RYR2: variants seen among roughly 807,000 people sequenced by gnomAD.
The protein encoded by RYR2 is ryanodine receptor 2.
RYR2 carries 227 observed loss-of-function variants against 601.1 expected under a neutral mutation model. The observed-to-expected ratio is 0.38, with a 90% confidence interval of 0.34 to 0.42. RYR2 has a LOEUF of 0.42. Among genes scored for constraint, RYR2 ranks in the 10% least tolerant of loss-of-function variants. The pLI, the probability that RYR2 is intolerant of heterozygous loss-of-function variation, is 1.00. For synonymous variants in RYR2, 2,223 were observed against 2,175.1 expected (o/e 1.02, Z -0.61); for missense variants, 4,646 against 6,156.5 (o/e 0.75, Z 8.21).
chr1:237,396,850 C>T (rs971657506), intron 10 of RYR2, among the ~76,000 whole-genome samples: 1 of 151,978 alleles, frequency 6.6e-6, no homozygotes, highest in Non-Finnish European at 1.5e-5. Context: ...AGATCACAGA[C>T]TTAAATATGA....
chr1:237,474,436 A>G (rs534911304), intron 17 of RYR2, among the ~76,000 whole-genome samples: 2 of 151,922 alleles, frequency 1.3e-5, no homozygotes, highest in Non-Finnish European at 2.9e-5. Context: ...TATGCCTGGG[A>G]CCACAGTGAT....
rs1220542797 is a variant in RYR2, at chr1:237,149,293, TACAAAAAACAA to T, written c.48+106732_48+106742del. On this transcript the variant is annotated intron_variant, in intron 1 of 104. Coordinates refer to ENST00000366574, the MANE Select transcript of RYR2 (RefSeq NM_001035.3). ...GAGCAACATGCTGAGACCCCGTCTC[TACAAAAAACAA>T]ACAAAAACAAAAACAAAAACAAAAA... Among the ~76,000 whole-genome samples, 6 of 139,512 alleles carry T rather than the reference TACAAAAAACAA, an allele frequency of 4.3e-5. No homozygotes were observed. The Admixed American group carries it at 4.6e-4, about 11-fold the overall frequency. 91.5% of individuals were successfully genotyped at this position (139,512 alleles called of 152,430 possible).
chr1:237,527,558 C>G (rs1017664038), intron 24 of RYR2, among the ~76,000 whole-genome samples: 2 of 152,216 alleles, frequency 1.3e-5, no homozygotes, highest in Non-Finnish European at 2.9e-5. Context: ...CCCTCCCACA[C>G]AGACCCACGA....
intron 72 of RYR2, 27 bp from the exon 73 acceptor site, chr1:237,718,435 T>A: frequency 7.7e-7 from 1 of 1,299,578 alleles, no homozygotes; most frequent in Non-Finnish European, 1.1e-6. Context: ...AGAAGACTCC[T>A]TTTAGGTAAC....
chr1:237,759,513 G>A (rs1399104267), intron 82 of RYR2, among the ~76,000 whole-genome samples: 1 of 152,180 alleles, frequency 6.6e-6, no homozygotes, highest in Non-Finnish European at 1.5e-5. Flanking sequence ...GACCAGGAGA[G>A]AATTAAGAGT....
Position 237,777,163 on chromosome 1 carries a change from C to T in RYR2, c.11776-1503C>T, listed in dbSNP as rs12093182. On this transcript the variant is annotated intron_variant, in intron 87 of 104. Transcript: ENST00000366574. Reference sequence around the variant, plus strand: ...GCAGAAGTAACGAAATGGAGAGGCTCAGCACACGGAGAACCCCCTCCAAAG... The same window carrying T: ...GCAGAAGTAACGAAATGGAGAGGCTTAGCACACGGAGAACCCCCTCCAAAG... 8.1e-3 allele frequency among the ~76,000 whole-genome samples: 1,238 copies of T among 152,246 alleles called. 18 individuals carry two copies. Among genetic ancestry groups the T allele is most frequent in the African/African-American group, 0.028 (1,169 of 41,554 alleles).
At chr1:237,806,104 G>A in intron 98 of RYR2, 33 bp from the exon 99 acceptor site, 1 of 1,602,942 alleles carries the variant, frequency 6.2e-7, no homozygotes, top group Non-Finnish European at 8.5e-7. Flanking sequence ...TCTGTTTTCT[G>A]ACATGTTCTT....
intron 2 of RYR2, among the ~76,000 whole-genome samples, chr1:237,313,361 G>T (rs1345550807): frequency 6.6e-6 from 1 of 152,122 alleles, no homozygotes; most frequent in African/African-American, 2.4e-5. Context: ...GATTATCTGG[G>T]TGAGCTCTAA....
intron 71 of RYR2, among the ~76,000 whole-genome samples, chr1:237,712,964 A>T (rs965544574): frequency 6.6e-6 from 1 of 152,338 alleles, no homozygotes; most frequent in Non-Finnish European, 1.5e-5. Flanking sequence ...CTGGCAACAG[A>T]GTAGCTTAGG....
intron 80 of RYR2, among the ~76,000 whole-genome samples, chr1:237,750,540 C>T (rs1173242894): frequency 6.7e-6 from 1 of 150,064 alleles, no homozygotes; most frequent in African/African-American, 2.4e-5. Flanking sequence ...TCATAAAGTT[C>T]ATTATAAATA....
chr1:237,770,429 C>CA (rs1243740657), intron 84 of RYR2, among the ~76,000 whole-genome samples: 1 of 152,054 alleles, frequency 6.6e-6, no homozygotes, highest in Admixed American at 6.6e-5. Flanking sequence ...GGGTACAAAG[C>CA]AAATTTAACA....
intron 35 of RYR2, among the ~76,000 whole-genome samples, chr1:237,606,981 G>A (rs1041258601): frequency 6.6e-6 from 1 of 152,234 alleles, no homozygotes; most frequent in African/African-American, 2.4e-5. Flanking sequence ...TGGTGGGACT[G>A]TAAACTAGTT....
chr1:237,246,550 C>T (rs1427829783), intron 1 of RYR2, among the ~76,000 whole-genome samples: 2 of 152,186 alleles, frequency 1.3e-5, no homozygotes, highest in Non-Finnish European at 2.9e-5. Flanking sequence ...AATCCTCCTG[C>T]TTCAGCCTCC....
At position 237,449,070 on chromosome 1, in the gene RYR2, AC is replaced by A. The variant is rs544155114; in HGVS notation, c.1292+3550del. Among the ~76,000 whole-genome samples the A allele has an allele frequency of 7.2e-5, 11 of 152,276 alleles. 1 individual carries two copies. In the South Asian group the frequency reaches 2.1e-3, roughly 29 times the overall value. On this transcript the variant is annotated intron_variant, in intron 14 of 104. Transcript: ENST00000366574. ...AAGAGGAGATACACACACACACGCC[AC>A]CACCATCACCACCCTTACACGGGAG...
At chr1:237,490,771 T>G (rs910174279) in intron 17 of RYR2, among the ~76,000 whole-genome samples, 3 of 152,240 alleles carry the variant, frequency 2.0e-5, no homozygotes, top group Admixed American at 1.3e-4. Flanking sequence ...GGATTGGGGC[T>G]TGGATCAAAT....
At chr1:237,500,041 A>C (rs187551889) in intron 20 of RYR2, among the ~76,000 whole-genome samples, 41 of 152,290 alleles carry the variant, frequency 2.7e-4, no homozygotes, top group African/African-American at 9.4e-4. Context: ...GAAGCCAACC[A>C]AGATCTTGTG....
chr1:237,086,560 C>T (rs1666355125), intron 1 of RYR2, among the ~76,000 whole-genome samples: 1 of 152,050 alleles, frequency 6.6e-6, no homozygotes. Flanking sequence ...CTTTATCTTA[C>T]TATGGTGTTA....
chr1:237,481,125 T>TAC (rs367795300), intron 17 of RYR2, among the ~76,000 whole-genome samples: 5 of 136,662 alleles, frequency 3.7e-5, no homozygotes, highest in Admixed American at 7.0e-5. Context: ...TATATATATA[T>TAC]ACACACACAT....
chr1:237,577,393 T>G (rs1307100308), intron 29 of RYR2, among the ~76,000 whole-genome samples: 1 of 152,202 alleles, frequency 6.6e-6, no homozygotes, highest in Admixed American at 6.6e-5. Context: ...TTTGTTGATG[T>G]GATTAAGATA....
Sources: allele counts gnomAD v4.1 joint callset (sites outside exome capture counted in the v4.1 genomes callset), GRCh38; gene constraint gnomAD v4.1.1; transcripts MANE v1.5; gene names NCBI Gene and HGNC (gene_info 2026-07-23, HGNC 2026-07-21).